The following FRAS1 variants were observed in gnomAD, a reference collection of about 807,000 sequenced individuals.
The protein encoded by FRAS1 is Fraser extracellular matrix complex subunit 1.
In FRAS1, 290 loss-of-function variants were observed where a neutral mutation model predicts 435.2. The ratio of observed to expected loss-of-function variants is 0.67; its 90% CI spans 0.61 to 0.73. The LOEUF is 0.73. Ranked by LOEUF, FRAS1 falls within the 30% of genes least tolerant of loss-of-function variation. The probability of loss-of-function intolerance (pLI) is 0.00; values close to 1 mark genes in which losing one functional copy is unlikely to be tolerated. For missense variants in FRAS1, 4,860 were observed against 5,001.5 expected, an observed-to-expected ratio of 0.97 and a Z score of 0.85; for synonymous variants, 1,800 against 1,851.0, an observed-to-expected ratio of 0.97 and a Z score of 0.71.
rs142831974 is a variant in FRAS1, at chr4:78,301,514, G to T, written c.1535-6552G>T. Among the ~76,000 whole-genome samples, 4 of 152,252 alleles carry T rather than the reference G, an allele frequency of 2.6e-5. No individual in the cohort carries two copies. The East Asian group carries it at 7.7e-4, about 29-fold the overall frequency. On this transcript the variant is annotated intron_variant, in intron 14 of 73. Transcript: ENST00000512123. ...ACACATGTGTAGGACAGATAATACT[G>T]GGGGGAAAGAGATAAAAAGGCAAAG...
intron 59 of FRAS1, among the ~76,000 whole-genome samples, chr4:78,492,911 G>A (rs549982349): frequency 6.6e-6 from 1 of 152,256 alleles, no homozygotes; most frequent in Non-Finnish European, 1.5e-5. Flanking sequence ...CTATCCATCT[G>A]ACAAAGGGCT....
intron 5 of FRAS1, 69 bp downstream of exon 5, chr4:78,252,620 C>A (rs1725598665): frequency 1.4e-6 from 2 of 1,381,674 alleles, no homozygotes; most frequent in African/African-American, 1.5e-5. Flanking sequence ...GGGGAACCAG[C>A]CCTCAATATT....
chr4:78,304,170 T>A (rs1260794), intron 14 of FRAS1, among the ~76,000 whole-genome samples: 9,398 of 148,888 alleles, frequency 0.063, 385 homozygotes, highest in Non-Finnish European at 0.087. Flanking sequence ...ATTGATTTGC[T>A]TATATTGAAC....
intron 2 of FRAS1, among the ~76,000 whole-genome samples, chr4:78,215,415 T>C (rs771665424): frequency 6.6e-6 from 1 of 152,128 alleles, no homozygotes; most frequent in African/African-American, 2.4e-5. Context: ...AGGATGGTCT[T>C]GATCTCTTGA....
chr4:78,091,574 G>C (rs1416999768), intron 2 of FRAS1, among the ~76,000 whole-genome samples: 1 of 151,826 alleles, frequency 6.6e-6, no homozygotes, highest in Admixed American at 6.6e-5. Context: ...TTTCAAAAGG[G>C]CATTGCTTTC....
At chr4:78,143,832 G>C (rs1193387807) in intron 2 of FRAS1, among the ~76,000 whole-genome samples, 2 of 150,558 alleles carry the variant, frequency 1.3e-5, no homozygotes, top group Non-Finnish European at 3.0e-5. Flanking sequence ...TGAGCCCAGG[G>C]GACAAAGGTT....
At position 78,451,678 on chromosome 4, in the gene FRAS1, T is replaced by C. The variant is rs1489502378; in HGVS notation, c.6464-94T>C. ...AGCGAGGAAGGTGTGAACTGATTCA[T>C]TGGTGTGAACACCAATTGAATTCAC... On this transcript the variant is annotated intron_variant, in intron 45 of 73. Transcript: ENST00000512123. 9 of 990,080 alleles carry C rather than the reference T, an allele frequency of 9.1e-6. No individual in the cohort carries two copies. The East Asian group carries it at 1.3e-4, about 15-fold the overall frequency. 61.3% of individuals were successfully genotyped at this position (990,080 alleles called of 1,614,324 possible). A position where few individuals can be genotyped will look rare whatever the true frequency, so the allele number is the denominator to read the frequency against.
At chr4:78,498,222 A>T (rs907796451) in intron 60 of FRAS1, among the ~76,000 whole-genome samples, 14 of 152,202 alleles carry the variant, frequency 9.2e-5, no homozygotes, top group Non-Finnish European at 1.5e-5. Context: ...GTATAATTTT[A>T]AAAAAGGCCG....
In FRAS1 at chr4:78,255,238, C is replaced by G. The variant is rs59429199; in HGVS notation, c.470-4C>G. ...TAGTAATCCTTGTTTCTTTGACCTT[C>G]CAGAACCCTGTTCCTATGAAGGCCA... On this transcript the variant is annotated splice_polypyrimidine_tract_variant and splice_region_variant and intron_variant, in intron 5 of 73. Transcript: ENST00000512123. 7,199 of 1,551,806 alleles carry G rather than the reference C, an allele frequency of 4.6e-3. 285 individuals carry two copies. The African/African-American group carries it at 0.086, about 18-fold the overall frequency.
intron 3 of FRAS1, among the ~76,000 whole-genome samples, chr4:78,238,170 A>G (rs976729144): frequency 6.6e-6 from 1 of 152,008 alleles, no homozygotes; most frequent in Non-Finnish European, 1.5e-5. Flanking sequence ...TGGGCTCCCT[A>G]GGAACATAAG....
intron 66 of FRAS1, among the ~76,000 whole-genome samples, chr4:78,518,652 T>C (rs75304993): frequency 0.14 from 21,177 of 152,056 alleles, 1,774 homozygotes; most frequent in Non-Finnish European, 0.2. Context: ...GAACACAAAC[T>C]TCCTTAGAAG....
chr4:78,153,574 C>G (rs1560552737), intron 2 of FRAS1, among the ~76,000 whole-genome samples: 1 of 152,144 alleles, frequency 6.6e-6, no homozygotes, highest in South Asian at 2.1e-4. Flanking sequence ...GAACATTTAG[C>G]ACTTGAGGAG....
At chr4:78,491,517 A>G (rs755534117) in intron 59 of FRAS1, among the ~76,000 whole-genome samples, 3 of 152,172 alleles carry the variant, frequency 2.0e-5, no homozygotes, top group Non-Finnish European at 4.4e-5. Context: ...ATCAATAAAC[A>G]TAATCCATCA....
At chr4:78,257,214 C>A (rs1240527354) in intron 6 of FRAS1, among the ~76,000 whole-genome samples, 1 of 152,160 alleles carries the variant, frequency 6.6e-6, no homozygotes. Flanking sequence ...CTAAACTGTT[C>A]TACATTGCAA....
chr4:78,115,421 T>C (rs927223576), intron 2 of FRAS1, among the ~76,000 whole-genome samples: 5 of 152,186 alleles, frequency 3.3e-5, no homozygotes, highest in African/African-American at 9.6e-5. Context: ...CTCCTCCTTG[T>C]ACCTCTGGTA....
At chr4:78,393,200 T>G (rs1235251144) in intron 29 of FRAS1, among the ~76,000 whole-genome samples, 1 of 152,036 alleles carries the variant, frequency 6.6e-6, no homozygotes, top group Non-Finnish European at 1.5e-5. Context: ...TAATTTTATG[T>G]ATTTATTTAC....
In FRAS1 at chr4:78,129,432, G is replaced by A. The variant is rs530079528; in HGVS notation, c.108+63416G>A. Among the ~76,000 whole-genome samples the A allele has an allele frequency of 6.6e-5, 10 of 152,262 alleles. No individual in the cohort carries two copies. In the South Asian group the frequency reaches 1.9e-3, roughly 28 times the overall value. On this transcript the variant is annotated intron_variant, in intron 2 of 73. Transcript: ENST00000512123. ...GGTCTTAGATGCAGGTACTGAATTG[G>A]GTATATTGTGGTAAATCCATGGGCA...
chr4:78,447,902 T>C (rs1718903290), intron 43 of FRAS1, 151 bp from the exon 44 acceptor site: 2 of 612,978 alleles, frequency 3.3e-6, no homozygotes, highest in Non-Finnish European at 5.6e-6. Flanking sequence ...TGTGGTTATA[T>C]GTAAAATGCT....
intron 2 of FRAS1, among the ~76,000 whole-genome samples, chr4:78,114,994 G>A (rs930870743): frequency 1.5e-4 from 23 of 151,882 alleles, no homozygotes; most frequent in East Asian, 3.9e-4. Context: ...ATTATTTTGA[G>A]ATACGTCCCA....
Sources: allele counts gnomAD v4.1 joint callset (sites outside exome capture counted in the v4.1 genomes callset), GRCh38; gene constraint gnomAD v4.1.1; transcripts MANE v1.5; gene names NCBI Gene and HGNC (gene_info 2026-07-23, HGNC 2026-07-21).